The following EXOSC10 variants were observed in gnomAD, a reference collection of about 807,000 sequenced individuals.
EXOSC10 encodes exosome component 10.
A neutral mutation model predicts 126.6 loss-of-function variants in EXOSC10; 94 were observed. The observed-to-expected ratio is 0.74, with a 90% confidence interval of 0.63 to 0.88. The LOEUF is 0.88. Among genes scored for constraint, EXOSC10 ranks in the 40% least tolerant of loss-of-function variants. The pLI is 0.00. For missense variants in EXOSC10, 1,041 were observed against 1,100.5 expected, an observed-to-expected ratio of 0.95 and a Z score of 0.77; for synonymous variants, 395 against 400.8, an observed-to-expected ratio of 0.99 and a Z score of 0.17.
intron 2 of EXOSC10, 93 bp downstream of exon 2, chr1:11,097,927 T>TAAA: frequency 7.8e-7 from 1 of 1,284,732 alleles, no homozygotes; most frequent in South Asian, 2.0e-5. Flanking sequence ...CCACAGAAAA[T>TAAA]GTTTAAGGAA....
intron 9 of EXOSC10, among the ~76,000 whole-genome samples, chr1:11,083,777 C>A (rs1409565415): frequency 6.6e-6 from 1 of 152,154 alleles, no homozygotes; most frequent in Non-Finnish European, 1.5e-5. Context: ...TCCCTCCCCC[C>A]TTTCCCCACC....
intron 10 of EXOSC10, 161 bp downstream of exon 10, chr1:11,082,527 T>G: frequency 6.9e-7 from 1 of 1,455,294 alleles, no homozygotes; most frequent in East Asian, 2.4e-5. Context: ...ATTAAAAAAT[T>G]TCCTACCACT....
At chr1:11,069,260 G>GAGAGAGAGAGAGAGAGAGA (rs1557690891) in intron 22 of EXOSC10, among the ~76,000 whole-genome samples, 18 of 118,794 alleles carry the variant, frequency 1.5e-4, no homozygotes, top group African/African-American at 3.8e-4. Context: ...AGAGAGAGAG[G>GAGAGAGAGAGAGAGAGAGA]GTTTATGGGC....
At chr1:11,095,713 C>G in intron 3 of EXOSC10, 45 bp downstream of exon 3, 1 of 1,596,212 alleles carries the variant, frequency 6.3e-7, no homozygotes, top group South Asian at 1.1e-5. Context: ...GACTCCGTCT[C>G]AAAAACAAAA....
chr1:11,090,937 A>G, intron 5 of EXOSC10, 77 bp downstream of exon 5: 3 of 1,467,316 alleles, frequency 2.0e-6, no homozygotes, highest in Non-Finnish European at 2.8e-6. Context: ...AACAAAGAAG[A>G]GAGACCTGTA....
rs1331910580 is a variant in EXOSC10 at position 11,080,916 on chromosome 1, C to G, written c.1438-4G>C. 1 of 1,603,238 alleles carries G rather than the reference C, an allele frequency of 6.2e-7. No homozygotes were observed. Among genetic ancestry groups the G allele is most frequent in the Non-Finnish European group, 8.5e-7 (1 of 1,176,104 alleles). On this transcript the variant is annotated splice_polypyrimidine_tract_variant and splice_region_variant and intron_variant, in intron 11 of 24. Transcript: ENST00000376936. ...TGAAGATAGGTTTGATGAATTTCTACAAAGTATTAGAGAACATTCAAAATC... is the reference window on the plus strand; with the variant it reads ...TGAAGATAGGTTTGATGAATTTCTAGAAAGTATTAGAGAACATTCAAAATC...
At chr1:11,069,752 G>A (rs747851985) in intron 21 of EXOSC10, 22 bp from the exon 22 acceptor site, 6 of 1,611,442 alleles carry the variant, frequency 3.7e-6, no homozygotes, top group East Asian at 2.2e-5. Flanking sequence ...GAACAGATGT[G>A]GGGGAGGAAC....
At chr1:11,069,853 G>T in intron 21 of EXOSC10, 123 bp from the exon 22 acceptor site, 1 of 1,025,262 alleles carries the variant, frequency 9.8e-7, no homozygotes, top group Non-Finnish European at 1.4e-6. Context: ...TCAGTGGTGG[G>T]GAGAGGAGCT....
Position 11,099,844 on chromosome 1 carries a change from C to T in EXOSC10, c.-13G>A. ...TGGGTGGCGCCATTTTTTCAGCCTG[C>T]ACGGCTCGTCTCGCGAGAGCTTGTC... On this transcript the variant is annotated 5_prime_UTR_variant, in exon 1 of 25. Coordinates refer to ENST00000376936, the MANE Select transcript of EXOSC10 (RefSeq NM_001001998.3). 6.3e-7 allele frequency: 1 copy of T among 1,592,378 alleles called. No individual in the cohort carries two copies.
At position 11,072,103 on chromosome 1, in the gene EXOSC10, C is replaced by G. The variant is rs1639536161; in HGVS notation, c.2226G>C (p.Lys742Asn). 2 of 1,613,446 alleles carry G rather than the reference C, an allele frequency of 1.2e-6. No homozygotes were observed. Among genetic ancestry groups the G allele is most frequent in the East Asian group, 2.2e-5 (1 of 44,878 alleles). Residue 742 changes from lysine to asparagine, a missense_variant, in exon 20 of 25, where the codon AAG becomes AAC. Coordinates refer to ENST00000376936, the MANE Select transcript of EXOSC10 (RefSeq NM_001001998.3). ...QKDSKEAVKK[K>N]AAEQTAAREQ... ...GAGTGTTACCTGTTTGCTCAGCTGC[C>G]TTCTTCTTGACAGCTTCTTTAGAGT...
At chr1:11,072,060 A>T in intron 20 of EXOSC10, 27 bp downstream of exon 20, 2 of 1,580,814 alleles carry the variant, frequency 1.3e-6, no homozygotes, top group Non-Finnish European at 1.7e-6. Flanking sequence ...TTAACAGCCG[A>T]CTGAGTTGCA....
At chr1:11,068,435 T>C (rs1639243153) in intron 23 of EXOSC10, 1 of 606,786 alleles carries the variant, frequency 1.6e-6, no homozygotes, top group African/African-American at 1.8e-5. Flanking sequence ...CACAGAATAA[T>C]ACCCTTTAAA....
At position 11,099,852 on chromosome 1, in the gene EXOSC10, G is replaced by C. The variant is rs1641343447; in HGVS notation, c.-21C>G. On this transcript the variant is annotated 5_prime_UTR_variant, in exon 1 of 25. Transcript: ENST00000376936. ...GCCATTTTTTCAGCCTGCACGGCTC[G>C]TCTCGCGAGAGCTTGTCGGCCGAGG... 1.9e-6 allele frequency: 3 copies of C among 1,585,002 alleles called. No individual in the cohort carries two copies. The highest frequency in any genetic ancestry group is 2.6e-6 in the Non-Finnish European group (3 of 1,165,274).
chr1:11,097,648 C>T (rs1641185554), intron 2 of EXOSC10, among the ~76,000 whole-genome samples: 1 of 152,000 alleles, frequency 6.6e-6, no homozygotes, highest in Non-Finnish European at 1.5e-5. Flanking sequence ...ATAGCGTGAA[C>T]CTGGGAGGCG....
At chr1:11,095,906 G>C in intron 2 of EXOSC10, 25 bp from the exon 3 acceptor site, 1 of 1,604,946 alleles carries the variant, frequency 6.2e-7, no homozygotes, top group Non-Finnish European at 8.5e-7. Context: ...ACCAAGGTTA[G>C]CTTGTAGATT....
At chr1:11,068,398 T>C in intron 23 of EXOSC10, 1 of 592,792 alleles carries the variant, frequency 1.7e-6, no homozygotes. Context: ...GCTTTTGGCC[T>C]GCAGCTATAG....
intron 20 of EXOSC10, 78 bp from the exon 21 acceptor site, chr1:11,071,051 T>G: frequency 7.2e-7 from 1 of 1,382,684 alleles, no homozygotes; most frequent in South Asian, 1.2e-5. Context: ...CCCCTCCGAC[T>G]TGGCCTAGCC....
chr1:11,099,229 A>C (rs1429960075), intron 1 of EXOSC10, among the ~76,000 whole-genome samples: 1 of 152,244 alleles, frequency 6.6e-6, no homozygotes, highest in Non-Finnish European at 1.5e-5. Flanking sequence ...AGGAGTTACT[A>C]ATAAACGTGC....
intron 4 of EXOSC10, 81 bp from the exon 5 acceptor site, chr1:11,091,260 G>T: frequency 7.3e-7 from 1 of 1,368,938 alleles, no homozygotes. Context: ...TGACTTCTGA[G>T]GAGACAAGAA....
Sources: gnomAD v4.1 joint callset for allele counts (sites outside exome capture counted in the v4.1 genomes callset) on GRCh38, gnomAD v4.1.1 for gene constraint, MANE v1.5 for transcripts, NCBI Gene and HGNC (gene_info 2026-07-23, HGNC 2026-07-21) for gene names.